Variants in KCNT1 observed in about 807,000 individuals in gnomAD.
KCNT1 encodes potassium channel subfamily T member 1.
KCNT1 carries 78 observed loss-of-function variants against 147.8 expected under a neutral mutation model. The ratio of observed to expected loss-of-function variants is 0.53; its 90% CI spans 0.44 to 0.64. The LOEUF is 0.64. Ranked by LOEUF, KCNT1 falls within the 30% of genes least tolerant of loss-of-function variation. KCNT1 has a pLI of 0.00. For synonymous variants in KCNT1, 867 were observed against 748.8 expected (o/e 1.16, Z -2.58); for missense variants, 1,419 against 1,750.3 (o/e 0.81, Z 3.38).
rs1189149987 is a variant in KCNT1, at chr9:135,731,991, T to TAGAGAGAGAG, written c.254+17312_254+17321dup. On this transcript the variant is annotated intron_variant, in intron 2 of 30. Transcript: ENST00000371757. ...ATATATATATATATATATATATATA[T>TAGAGAGAGAG]AGAGAGAGAGAGAGAGAGAGAGAGA... Among the ~76,000 whole-genome samples the TAGAGAGAGAG allele has an allele frequency of 4.1e-3, 89 of 21,690 alleles. 4 individuals are homozygous for TAGAGAGAGAG. The highest frequency in any genetic ancestry group is 5.8e-3 in the African/African-American group (33 of 5,704). The allele number at this position is 21,690 out of a possible 152,430, so 14.2% of individuals were successfully genotyped here.
chr9:135,712,856 G>A (rs534229), intron 1 of KCNT1, among the ~76,000 whole-genome samples: 140,639 of 152,322 alleles, frequency 0.92, 65,000 homozygotes, highest in East Asian at 0.98. Context: ...CCGTGTGCTC[G>A]CTCAAGTGTC....
rs916060050 is a variant in KCNT1, at chr9:135,714,135, G to A, written c.111-442G>A. On this transcript the variant is annotated intron_variant, in intron 1 of 30. Transcript: ENST00000371757. The surrounding 1 kb of genome is among the most constrained non-coding windows in gnomAD (Gnocchi z 6.2). Reference sequence around the variant, plus strand: ...GACCCTGAAGGAAGATTGAGCAGCCGGCCTCGGCAAAGACCCTGGGGACGG... The same window carrying A: ...GACCCTGAAGGAAGATTGAGCAGCCAGCCTCGGCAAAGACCCTGGGGACGG... Among the ~76,000 whole-genome samples, 1 of 151,962 alleles carries A rather than the reference G, an allele frequency of 6.6e-6. No homozygotes were observed. Among genetic ancestry groups the A allele is most frequent in the East Asian group, 1.9e-4 (1 of 5,148 alleles).
intron 3 of KCNT1, chr9:135,750,589 C>T (rs1831095920): frequency 1.0e-5 from 4 of 397,406 alleles, no homozygotes; most frequent in African/African-American, 4.1e-5. Context: ...GCATCATGCT[C>T]CCCCCGGGAT....
In KCNT1 at chr9:135,747,799, G is replaced by T. The variant is rs371785377; in HGVS notation, c.255-2299G>T. ...TGTGGGAGGCTTGTCCCACTGCCTG[G>T]CCCCAGGAGCCCTGAGTATGCCCGG... On this transcript the variant is annotated intron_variant, in intron 2 of 30. Transcript: ENST00000371757. Among the ~76,000 whole-genome samples, 14 of 152,208 alleles carry T rather than the reference G, an allele frequency of 9.2e-5. No individual in the cohort carries two copies. In the East Asian group the frequency reaches 1.7e-3, roughly 19 times the overall value.
At chr9:135,738,354 T>C (rs72770356) in intron 2 of KCNT1, among the ~76,000 whole-genome samples, 28 of 152,318 alleles carry the variant, frequency 1.8e-4, no homozygotes, top group Non-Finnish European at 3.8e-4. Flanking sequence ...CCCCTGGGCC[T>C]GGAGCATTCA....
intron 24 of KCNT1, among the ~76,000 whole-genome samples, chr9:135,782,914 C>G (rs182619216): frequency 1.2e-3 from 183 of 152,358 alleles, no homozygotes; most frequent in African/African-American, 4.1e-3. Context: ...CACGCCCCAG[C>G]CTTCCCACCG....
chr9:135,751,016 G>A lies in KCNT1; in HGVS notation c.409G>A (p.Asp137Asn). The change falls in exon 4 of 31, where the codon GAT (aspartate) becomes AAT (asparagine). Residue 137 changes from aspartate (D) to asparagine (N), a missense_variant. This residue lies in a region of KCNT1 where 401 missense variants were observed against 610.6 expected (regional missense o/e 0.66). Transcript: ENST00000371757. ...GCTCTACATTGTGCGCGTCCTGCTC[G>A]ATGACCCGGCCCTGGGCATCGGATG... ...CLLYIVRVLL[D>N]DPALGIGCWG... is the part of the protein sequence containing the mutation. 1 of 1,612,130 alleles carries A rather than the reference G, an allele frequency of 6.2e-7. No homozygotes were observed. Among genetic ancestry groups the A allele is most frequent in the Non-Finnish European group, 8.5e-7 (1 of 1,179,826 alleles).
At chr9:135,765,230 C>T (rs1832180433) in intron 12 of KCNT1, 35 bp downstream of exon 12, 2 of 1,586,326 alleles carry the variant, frequency 1.3e-6, no homozygotes, top group South Asian at 2.2e-5. Flanking sequence ...CAGACGACTC[C>T]CTCCCGGCCC....
Position 135,778,824 on chromosome 9 carries a change from T to G in KCNT1, c.2729+2T>G. ...CGTCAACGTGCAGACCATGTTCCGG[T>G]GCGTCCAGTGTCCGGGGCTCGGCTC... On this transcript the variant is annotated splice_donor_variant, in intron 23 of 30. Coordinates refer to ENST00000371757, the MANE Select transcript of KCNT1 (RefSeq NM_020822.3). LOFTEE classifies it high-confidence loss of function. 1 of 1,613,462 alleles carries G rather than the reference T, an allele frequency of 6.2e-7. No homozygotes were observed.
At chr9:135,779,920 C>A (rs1323414798) in intron 24 of KCNT1, among the ~76,000 whole-genome samples, 1 of 152,270 alleles carries the variant, frequency 6.6e-6, no homozygotes, top group Non-Finnish European at 1.5e-5. Context: ...CTACGCCCGA[C>A]CTTGAAACAG....
chr9:135,748,428 G>A (rs1002695577), intron 2 of KCNT1, among the ~76,000 whole-genome samples: 7 of 151,758 alleles, frequency 4.6e-5, no homozygotes, highest in Non-Finnish European at 8.8e-5. Context: ...AATCACTTTC[G>A]GAGATGTTGG....
rs569747359 is a variant in KCNT1, at chr9:135,721,204, G to A, written c.254+6484G>A. Among the ~76,000 whole-genome samples the A allele has an allele frequency of 8.5e-5, 13 of 152,288 alleles. No homozygotes were observed. In the South Asian group the frequency reaches 1.4e-3, roughly 17 times the overall value. ...GAGCTGCTGGGCCAGCCCCAGCCTC[G>A]AAGCCACTCCGCTCCAGCACCGGGT... On this transcript the variant is annotated intron_variant, in intron 2 of 30. Transcript: ENST00000371757.
chr9:135,732,024 A>AGGGAGAGAGAGAGAGG (rs1554766181), intron 2 of KCNT1, among the ~76,000 whole-genome samples: 3 of 65,118 alleles, frequency 4.6e-5, no homozygotes, highest in Middle Eastern at 5.6e-3. Flanking sequence ...AGAGAGAGAG[A>AGGGAGAGAGAGAGAGG]GAGAGAGAGA....
At chr9:135,719,037 C>T (rs894231324) in intron 2 of KCNT1, among the ~76,000 whole-genome samples, 1 of 152,178 alleles carries the variant, frequency 6.6e-6, no homozygotes, top group East Asian at 1.9e-4. Flanking sequence ...CTCGGGTGCT[C>T]CCATGGAGCA....
At chr9:135,791,213 G>A (rs1057189139) in intron 29 of KCNT1, 1 of 155,146 alleles carries the variant, frequency 6.4e-6, no homozygotes, top group African/African-American at 2.4e-5. Flanking sequence ...CTGAGGGAGG[G>A]ACAGGGCTGA....
intron 28 of KCNT1, 87 bp downstream of exon 28, chr9:135,785,417 A>G: frequency 9.8e-7 from 1 of 1,022,120 alleles, no homozygotes; most frequent in South Asian, 2.1e-5. Context: ...GGCCCCACCC[A>G]CCCACCCACC....
At chr9:135,749,826 G>A (rs79253750) in intron 2 of KCNT1, among the ~76,000 whole-genome samples, 2,135 of 152,326 alleles carry the variant, frequency 0.014, 19 homozygotes, top group Middle Eastern at 0.034. Flanking sequence ...CCAACAGGGC[G>A]GCCTGGAGGG....
chr9:135,744,895 C>T (rs1189257781), intron 2 of KCNT1, among the ~76,000 whole-genome samples: 1 of 152,220 alleles, frequency 6.6e-6, no homozygotes, highest in Non-Finnish European at 1.5e-5. Context: ...GGCTGTAGGC[C>T]GTGGGCAGTG....
At chr9:135,756,834 C>A in intron 6 of KCNT1, 39 bp from the exon 7 acceptor site, 1 of 1,583,642 alleles carries the variant, frequency 6.3e-7, no homozygotes, top group East Asian at 2.2e-5. Flanking sequence ...GCCCCAGCCC[C>A]GGCCTGCTCC....
Sources: gnomAD v4.1 joint callset for allele counts (sites outside exome capture counted in the v4.1 genomes callset) on GRCh38, gnomAD v4.1.1 for gene constraint, gnomAD v4.1.1 regional missense constraint, Gnocchi (gnomAD v3.1) non-coding constraint, MANE v1.5 for transcripts, NCBI Gene and HGNC (gene_info 2026-07-23, HGNC 2026-07-21) for gene names.